Variants in CRY2 observed in about 807,000 individuals in gnomAD.
The protein encoded by CRY2 is cryptochrome-2.
Under a neutral mutation model 69.5 loss-of-function variants are expected in CRY2, and 31 were observed. The ratio of observed to expected loss-of-function variants is 0.45; its 90% CI spans 0.34 to 0.60. CRY2 has a LOEUF of 0.60. Ranked by LOEUF, CRY2 falls within the 20% of genes least tolerant of loss-of-function variation. The probability of loss-of-function intolerance (pLI) is 0.02; values close to 1 mark genes in which losing one functional copy is unlikely to be tolerated. For missense variants in CRY2, 606 were observed against 797.8 expected, an observed-to-expected ratio of 0.76 and a Z score of 2.90; for synonymous variants, 303 against 312.2, an observed-to-expected ratio of 0.97 and a Z score of 0.31.
At chr11:45,851,496 G>C (rs554081304) in intron 1 of CRY2, among the ~76,000 whole-genome samples, 1 of 152,278 alleles carries the variant, frequency 6.6e-6, no homozygotes, top group African/African-American at 2.4e-5. Flanking sequence ...TAGTCTACTG[G>C]CAGGGAAACA....
chr11:45,860,649 C>T (rs898061797), intron 3 of CRY2, among the ~76,000 whole-genome samples, 199 bp from the exon 4 acceptor site: 6 of 152,202 alleles, frequency 3.9e-5, no homozygotes, highest in Non-Finnish European at 7.3e-5. Context: ...TGCTTCAGCT[C>T]TCTGGGCTTT....
At chr11:45,853,111 A>T (rs115834126) in intron 1 of CRY2, among the ~76,000 whole-genome samples, 1 of 152,228 alleles carries the variant, frequency 6.6e-6, no homozygotes, top group African/African-American at 2.4e-5. Flanking sequence ...AATTCTGGCC[A>T]CTTACTAGGT....
rs113857829 is a variant in CRY2 at position 45,868,302 on chromosome 11, T to G, written c.882+550T>G. On this transcript the variant is annotated intron_variant, in intron 6 of 11. Transcript: ENST00000616080. ...CCCAGAAGGAGAGAGGGCAACACAGTCAGCATTCAGAGGGATCACCTCATC... is the reference window on the plus strand; with the variant it reads ...CCCAGAAGGAGAGAGGGCAACACAGGCAGCATTCAGAGGGATCACCTCATC... 9.1e-3 allele frequency among the ~76,000 whole-genome samples: 1,382 copies of G among 152,262 alleles called. 15 individuals are homozygous for G. Among genetic ancestry groups the G allele is most frequent in the Non-Finnish European group, 0.012 (828 of 68,000 alleles).
At chr11:45,857,745 A>T (rs762636230) in intron 2 of CRY2, among the ~76,000 whole-genome samples, 6 of 152,258 alleles carry the variant, frequency 3.9e-5, no homozygotes, top group Admixed American at 6.5e-5. Context: ...TAATATTGTT[A>T]TTCACAGGTT....
upstream of CRY2, chr11:45,847,194 G>T (rs2086155041): frequency 6.5e-7 from 1 of 1,549,494 alleles, no homozygotes; most frequent in Non-Finnish European, 8.7e-7. Flanking sequence ...CCTACTCCCG[G>T]CACTCCGCGG....
chr11:45,857,740 T>C (rs189393413), intron 2 of CRY2, among the ~76,000 whole-genome samples: 132 of 152,346 alleles, frequency 8.7e-4, no homozygotes, highest in Admixed American at 6.4e-3. Context: ...TTTAATAATA[T>C]TGTTATTCAC....
chr11:45,847,214 G>A (rs1010788956), upstream of CRY2: 4 of 1,549,884 alleles, frequency 2.6e-6, no homozygotes, highest in Non-Finnish European at 3.5e-6. Flanking sequence ...GACAGCCCCA[G>A]CCTGCGGACA....
upstream of CRY2, chr11:45,847,280 T>G: frequency 6.5e-7 from 1 of 1,538,644 alleles, no homozygotes. Flanking sequence ...GACCCACACA[T>G]GGTAGGAACG....
At chr11:45,850,846 A>T (rs564741635) in intron 1 of CRY2, among the ~76,000 whole-genome samples, 2 of 152,278 alleles carry the variant, frequency 1.3e-5, no homozygotes, top group South Asian at 4.1e-4. Flanking sequence ...TGACTCCCAC[A>T]CAATGTTTTT....
Position 45,870,305 on chromosome 11 carries a change from G to C in CRY2, c.1347-25G>C, listed in dbSNP as rs759052082. 4 of 1,613,878 alleles carry C rather than the reference G, an allele frequency of 2.5e-6. No homozygotes were observed. The African/African-American group carries it at 5.3e-5, about 22-fold the overall frequency. On this transcript the variant is annotated intron_variant, in intron 8 of 11. Coordinates refer to ENST00000616080, the MANE Select transcript of CRY2 (RefSeq NM_021117.5). ...GAAGGAGGGTCTGGGTATGCTGATGGGTCATCTGGTGTATCTTATTTCAGG... is the reference window on the plus strand; with the variant it reads ...GAAGGAGGGTCTGGGTATGCTGATGCGTCATCTGGTGTATCTTATTTCAGG...
intron 3 of CRY2, among the ~76,000 whole-genome samples, chr11:45,860,207 G>A (rs972264312): frequency 6.6e-6 from 1 of 152,026 alleles, no homozygotes; most frequent in African/African-American, 2.4e-5. Flanking sequence ...AAAATACTTT[G>A]TAAACTACAA....
intron 1 of CRY2, among the ~76,000 whole-genome samples, chr11:45,851,198 T>C (rs2086197194): frequency 6.6e-6 from 1 of 152,220 alleles, no homozygotes; most frequent in Non-Finnish European, 1.5e-5. Context: ...GGTTTTTCAT[T>C]ACCTTTCTCT....
intron 2 of CRY2, among the ~76,000 whole-genome samples, chr11:45,857,455 C>T (rs7945689): frequency 0.4 from 60,424 of 152,056 alleles, 14,545 homozygotes; most frequent in Middle Eastern, 0.52. Flanking sequence ...ACTCAGAGGC[C>T]AACCCACTTA....
At chr11:45,867,446 C>G in intron 5 of CRY2, 166 bp from the exon 6 acceptor site, 1 of 764,564 alleles carries the variant, frequency 1.3e-6, no homozygotes, top group Non-Finnish European at 2.1e-6. Context: ...GTTGTTTGGT[C>G]TGATGGTGGT....
At chr11:45,851,691 C>T (rs980193979) in intron 1 of CRY2, among the ~76,000 whole-genome samples, 9 of 152,130 alleles carry the variant, frequency 5.9e-5, no homozygotes, top group Admixed American at 4.6e-4. Flanking sequence ...AAATATCACT[C>T]AGATACTTAG....
rs1296857179 is a variant in CRY2, at chr11:45,849,642, C to T, written c.215+1937C>T. On this transcript the variant is annotated intron_variant, in intron 1 of 11. Coordinates refer to ENST00000616080, the MANE Select transcript of CRY2 (RefSeq NM_021117.5). ...ATTCTATTTTTTTTTTTTTTTGAGACGGAGTTTTGTTCTTGTTGCCCAGGC... is the reference window on the plus strand; with the variant it reads ...ATTCTATTTTTTTTTTTTTTTGAGATGGAGTTTTGTTCTTGTTGCCCAGGC... Among the ~76,000 whole-genome samples, 7 of 130,620 alleles carry T rather than the reference C, an allele frequency of 5.4e-5. No individual in the cohort carries two copies. The East Asian group carries it at 8.6e-4, about 16-fold the overall frequency. 85.7% of individuals were successfully genotyped at this position (130,620 alleles called of 152,430 possible).
chr11:45,872,215 C>T lies in CRY2; in HGVS notation c.1766C>T (p.Pro589Leu), dbSNP rs373412727. The T allele has an allele frequency of 2.5e-6, 4 of 1,613,984 alleles. No individual in the cohort carries two copies. The highest frequency in any genetic ancestry group is 1.7e-5 in the Admixed American group (1 of 60,008). ...GCAGAGTTGCCAACCCCAGAGCTGC[C>T]GAGCAAGGATGCCTGAGAGTGAGTG... ...RVAELPTPEL[P>L]SKDA is the part of the protein sequence containing the mutation. The change falls in exon 11 of 12, where the codon CCG (proline) becomes CTG (leucine). Residue 589 changes from proline to leucine, a missense_variant. Pro to Leu is a moderately conservative substitution (Grantham distance 98). This residue lies in a region of CRY2 where 173 missense variants were observed against 213.7 expected (regional missense o/e 0.81). Coordinates refer to ENST00000616080, the MANE Select transcript of CRY2 (RefSeq NM_021117.5).
intron 4 of CRY2, chr11:45,861,234 A>G (rs1397889869): frequency 1.7e-6 from 1 of 579,956 alleles, no homozygotes; most frequent in Non-Finnish European, 3.0e-6. Context: ...TGTTCTGTTC[A>G]TACTCATACA....
chr11:45,867,795 G>A lies in CRY2; in HGVS notation c.882+43G>A, dbSNP rs1225617492. 1.9e-6 allele frequency: 3 copies of A among 1,612,376 alleles called. No individual in the cohort carries two copies. The Admixed American group carries it at 5.0e-5, about 27-fold the overall frequency. ...GCCCACATTGCACCTAAGGCCTGCA[G>A]CCAGGCCTTTTGGGCTTGTCAGTCA... On this transcript the variant is annotated intron_variant, in intron 6 of 11. Coordinates refer to ENST00000616080, the MANE Select transcript of CRY2 (RefSeq NM_021117.5).
Sources: gnomAD v4.1 joint callset for allele counts (sites outside exome capture counted in the v4.1 genomes callset) on GRCh38, gnomAD v4.1.1 for gene constraint, gnomAD v4.1.1 regional missense constraint, MANE v1.5 for transcripts, NCBI Gene and HGNC (gene_info 2026-07-23, HGNC 2026-07-21) for gene names.